BIRC6: variants seen among roughly 807,000 people sequenced by gnomAD.
The protein encoded by BIRC6 is baculoviral IAP repeat containing 6.
BIRC6 carries 98 observed loss-of-function variants against 503.3 expected under a neutral mutation model. That is an observed-to-expected ratio of 0.19 (90% CI 0.17 to 0.23). The LOEUF (loss-of-function observed/expected upper bound fraction) is 0.23, where lower values mean the gene tolerates loss of function less well. Ranked by LOEUF, BIRC6 falls within the 10% of genes least tolerant of loss-of-function variation. The probability of loss-of-function intolerance (pLI) is 1.00; values close to 1 mark genes in which losing one functional copy is unlikely to be tolerated. For synonymous variants in BIRC6, 2,240 were observed against 2,078.7 expected, an observed-to-expected ratio of 1.08 and a Z score of -2.11; for missense variants, 5,360 against 5,806.0, an observed-to-expected ratio of 0.92 and a Z score of 2.50.
chr2:32,561,179 C>T (rs2059153156), intron 65 of BIRC6, among the ~76,000 whole-genome samples: 3 of 148,112 alleles, frequency 2.0e-5, no homozygotes, highest in Admixed American at 1.3e-4. Flanking sequence ...GCCTGGGTGA[C>T]GGAGTGAGAC....
rs761890164 is a variant in BIRC6 at position 32,415,480 on chromosome 2, A to G, written c.2189A>G (p.Asn730Ser). 5 of 1,614,018 alleles carry G rather than the reference A, an allele frequency of 3.1e-6. No individual in the cohort carries two copies. Among genetic ancestry groups the G allele is most frequent in the Admixed American group, 1.7e-5 (1 of 60,022 alleles). Residue 730 changes from asparagine (N) to serine (S), a missense_variant, in exon 10 of 74, where the codon AAT becomes AGT. Physicochemically the swap from Asn to Ser is conservative, Grantham distance 46. Transcript: ENST00000421745. ...CTGCCAAAGTTTGCAGAGGAGGAGA[A>G]TCTTTGTATAGACTCAATAACTCCT... The part of the protein sequence containing the change: ...LRLPKFAEEE[N>S]LCIDSITPCA...
intron 66 of BIRC6, among the ~76,000 whole-genome samples, chr2:32,581,955 T>C (rs1401957379): frequency 6.6e-6 from 1 of 152,140 alleles, no homozygotes; most frequent in Non-Finnish European, 1.5e-5. Flanking sequence ...TTCCGCCTCC[T>C]GGGTTCAAGC....
intron 22 of BIRC6, among the ~76,000 whole-genome samples, chr2:32,452,353 A>G (rs1167499098): frequency 1.3e-5 from 2 of 152,136 alleles, no homozygotes; most frequent in Non-Finnish European, 2.9e-5. Context: ...ATGCTATTTT[A>G]ACATTTAATG....
At chr2:32,553,021 A>G (rs1360678330) in intron 65 of BIRC6, among the ~76,000 whole-genome samples, 1 of 30,306 alleles carries the variant, frequency 3.3e-5, no homozygotes, top group Non-Finnish European at 7.5e-5. Flanking sequence ...ATCTCTACTA[A>G]AAAAAAAAAA....
chr2:32,616,999 G>A (rs2063288987), intron 73 of BIRC6, among the ~76,000 whole-genome samples: 1 of 152,206 alleles, frequency 6.6e-6, no homozygotes, highest in Non-Finnish European at 1.5e-5. Context: ...GGGAGGCTGA[G>A]GTGGGAGGAT....
intron 1 of BIRC6, among the ~76,000 whole-genome samples, chr2:32,359,363 A>C (rs934798330): frequency 6.6e-6 from 1 of 152,250 alleles, no homozygotes; most frequent in East Asian, 1.9e-4. Flanking sequence ...AATGTGTGTC[A>C]GGATTTGTTG....
At chr2:32,389,929 G>A (rs956221897) in intron 4 of BIRC6, among the ~76,000 whole-genome samples, 1 of 151,400 alleles carries the variant, frequency 6.6e-6, no homozygotes, top group East Asian at 1.9e-4. Context: ...GCACGATCTC[G>A]GCTCACCGCA....
intron 16 of BIRC6, 46 bp downstream of exon 16, chr2:32,439,732 T>C: frequency 1.3e-6 from 2 of 1,544,492 alleles, no homozygotes; most frequent in Non-Finnish European, 1.8e-6. Flanking sequence ...TTTTAAACAT[T>C]GTGGATCAGA....
At chr2:32,460,235 TCTCGTATATG>T (rs1475414620) in intron 23 of BIRC6, among the ~76,000 whole-genome samples, 8 of 130,982 alleles carry the variant, frequency 6.1e-5, no homozygotes, top group African/African-American at 2.3e-4. Flanking sequence ...ATATGATATA[TCTCGTATATG>T]ATATATATAT....
In BIRC6 at chr2:32,424,802, C is replaced by T. The variant is rs554973323; in HGVS notation, c.2873-4344C>T. 5.3e-5 allele frequency among the ~76,000 whole-genome samples: 8 copies of T among 152,250 alleles called. No homozygotes were observed. In the East Asian group the frequency reaches 5.8e-4, roughly 11 times the overall value. ...TGCTGGGATTACAGGTGTGAGCCAC[C>T]GCGTCTGGCCTATGTTTAACCTTTT... On this transcript the variant is annotated intron_variant, in intron 10 of 73. Coordinates refer to ENST00000421745, the MANE Select transcript of BIRC6 (RefSeq NM_016252.4).
chr2:32,408,584 G>A (rs1038888123), intron 9 of BIRC6, among the ~76,000 whole-genome samples: 11 of 152,074 alleles, frequency 7.2e-5, no homozygotes, highest in African/African-American at 2.2e-4. Context: ...AAGGATCTCA[G>A]TACATGTTTT....
rs2054604937 is a variant in BIRC6, at chr2:32,513,130, C to T, written c.10544C>T (p.Ala3515Val). 2 of 1,613,428 alleles carry T rather than the reference C, an allele frequency of 1.2e-6. No individual in the cohort carries two copies. The highest frequency in any genetic ancestry group is 1.7e-6 in the Non-Finnish European group (2 of 1,179,688). ...YELLVEYDLP[A>V]LLDQELFELL... ...CTGCTTGTAGAATATGACTTACCAG[C>T]ACTCCTGGACCAAGAGCTCTTTGAG... The change falls in exon 54 of 74, where the codon GCA becomes GTA. Residue 3515 changes from alanine (A) to valine (V), a missense_variant. Physicochemically the swap from Ala to Val is moderately conservative, Grantham distance 64. Around this residue, in one of 16 missense-constraint regions of BIRC6, gnomAD observed 878 missense variants for 928.9 expected, o/e 0.95. Coordinates refer to ENST00000421745, the MANE Select transcript of BIRC6 (RefSeq NM_016252.4).
At chr2:32,449,833 G>C (rs2046485485) in intron 22 of BIRC6, among the ~76,000 whole-genome samples, 1 of 152,192 alleles carries the variant, frequency 6.6e-6, no homozygotes, top group Non-Finnish European at 1.5e-5. Flanking sequence ...AGTTTCTAAT[G>C]AAAGAGCATA....
At chr2:32,488,527 A>T in intron 41 of BIRC6, 61 bp from the exon 42 acceptor site, 1 of 1,348,156 alleles carries the variant, frequency 7.4e-7, no homozygotes, top group Admixed American at 3.2e-5. Flanking sequence ...ATTTTTGTTT[A>T]AATTGTATTT....
intron 33 of BIRC6, among the ~76,000 whole-genome samples, chr2:32,474,752 T>G (rs1242269234): frequency 6.6e-6 from 1 of 152,248 alleles, no homozygotes; most frequent in East Asian, 1.9e-4. Context: ...ATTTCTTGCA[T>G]ACGTTAATGG....
chr2:32,500,196 T>C, intron 46 of BIRC6, 87 bp downstream of exon 46: 1 of 1,231,196 alleles, frequency 8.1e-7, no homozygotes, highest in Non-Finnish European at 1.1e-6. Context: ...ATTTTCTTTT[T>C]ACTTTATAGT....
intron 65 of BIRC6, among the ~76,000 whole-genome samples, chr2:32,554,480 T>A (rs998954008): frequency 2.0e-5 from 3 of 152,152 alleles, no homozygotes. Context: ...TTTGTCATTA[T>A]GAAAAATAAA....
At chr2:32,616,001 C>G (rs1339879284) in intron 73 of BIRC6, among the ~76,000 whole-genome samples, 2 of 152,008 alleles carry the variant, frequency 1.3e-5, no homozygotes, top group Non-Finnish European at 2.9e-5. Context: ...AATTATGAAC[C>G]AAATCTTTGC....
At chr2:32,513,706 C>T (rs928448719) in intron 54 of BIRC6, among the ~76,000 whole-genome samples, 4 of 152,120 alleles carry the variant, frequency 2.6e-5, no homozygotes, top group Non-Finnish European at 5.9e-5. Flanking sequence ...GTCAGGAGTT[C>T]GAGACCAGCC....
Sources: allele counts gnomAD v4.1 joint callset (sites outside exome capture counted in the v4.1 genomes callset), GRCh38; gene constraint gnomAD v4.1.1; regional missense constraint gnomAD v4.1.1; transcripts MANE v1.5; gene names NCBI Gene and HGNC (gene_info 2026-07-23, HGNC 2026-07-21).